Variants in CHCHD3 observed in about 807,000 individuals in gnomAD.
CHCHD3 encodes the protein coiled-coil-helix-coiled-coil-helix domain containing 3.
In CHCHD3, 20 loss-of-function variants were observed where a neutral mutation model predicts 38.2. That is an observed-to-expected ratio of 0.52 (90% CI 0.37 to 0.76). The LOEUF (loss-of-function observed/expected upper bound fraction) is 0.76, where lower values mean the gene tolerates loss of function less well. Ranked by LOEUF, CHCHD3 falls within the 30% of genes least tolerant of loss-of-function variation. The pLI, the probability that CHCHD3 is intolerant of heterozygous loss-of-function variation, is 0.00. For missense variants in CHCHD3, 245 were observed against 279.2 expected, an observed-to-expected ratio of 0.88 and a Z score of 0.87; for synonymous variants, 82 against 100.0, an observed-to-expected ratio of 0.82 and a Z score of 1.07.
chr7:132,866,254 C>G (rs948998199), intron 5 of CHCHD3, among the ~76,000 whole-genome samples: 1 of 152,172 alleles, frequency 6.6e-6, no homozygotes, highest in Non-Finnish European at 1.5e-5. Flanking sequence ...TGTTGTGTGG[C>G]TTAGAGAGTA....
chr7:132,849,863 T>C (rs1320314044), intron 5 of CHCHD3, among the ~76,000 whole-genome samples: 2 of 152,186 alleles, frequency 1.3e-5, no homozygotes, highest in African/African-American at 4.8e-5. Flanking sequence ...AGCAAAAGCC[T>C]GTGTTAGGGT....
intron 3 of CHCHD3, among the ~76,000 whole-genome samples, chr7:133,017,361 T>C (rs1813057832): frequency 6.6e-6 from 1 of 152,218 alleles, no homozygotes; most frequent in Non-Finnish European, 1.5e-5. Flanking sequence ...TTTTTATAAA[T>C]CAGTGATAAT....
chr7:132,973,910 G>A (rs1296863705), intron 4 of CHCHD3: 3 of 1,247,024 alleles, frequency 2.4e-6, no homozygotes, highest in African/African-American at 1.6e-5. Flanking sequence ...GTTCCCAACT[G>A]TGCTCCAATG....
intron 2 of CHCHD3, among the ~76,000 whole-genome samples, chr7:133,037,661 A>C (rs1341348046): frequency 6.6e-6 from 1 of 152,106 alleles, no homozygotes; most frequent in Non-Finnish European, 1.5e-5. Context: ...AAAAGTACAA[A>C]AATTAGCCAG....
chr7:132,808,364 A>G (rs937404012), intron 6 of CHCHD3, among the ~76,000 whole-genome samples: 1 of 152,122 alleles, frequency 6.6e-6, no homozygotes, highest in Non-Finnish European at 1.5e-5. Context: ...GCTCAGATCT[A>G]TGTCCCTACT....
At chr7:132,998,294 A>T (rs1405099317) in intron 3 of CHCHD3, among the ~76,000 whole-genome samples, 1 of 152,228 alleles carries the variant, frequency 6.6e-6, no homozygotes, top group Non-Finnish European at 1.5e-5. Context: ...GTTCCTGAAT[A>T]TAAGTTTTAA....
intron 2 of CHCHD3, among the ~76,000 whole-genome samples, chr7:133,061,552 CAAAGG>C (rs1814515728): frequency 6.6e-6 from 1 of 151,810 alleles, no homozygotes. Flanking sequence ...ACTCAGCTGA[CAAAGG>C]AAAGAAGTCC....
At chr7:132,905,543 C>T (rs1026185040) in intron 4 of CHCHD3, among the ~76,000 whole-genome samples, 5 of 150,632 alleles carry the variant, frequency 3.3e-5, no homozygotes, top group Non-Finnish European at 5.9e-5. Context: ...TGTTTACCTA[C>T]GTAACAAACC....
intron 2 of CHCHD3, among the ~76,000 whole-genome samples, chr7:133,056,809 T>C (rs527724445): frequency 1.3e-5 from 2 of 152,314 alleles, no homozygotes; most frequent in Admixed American, 6.5e-5. Flanking sequence ...TCATTTAGTC[T>C]CCATGGCAAC....
At chr7:132,802,340 C>T (rs994972035) in intron 6 of CHCHD3, among the ~76,000 whole-genome samples, 2 of 152,044 alleles carry the variant, frequency 1.3e-5, no homozygotes, top group African/African-American at 2.4e-5. Flanking sequence ...TGCCTGGTTT[C>T]TTCTCAAGCC....
intron 6 of CHCHD3, among the ~76,000 whole-genome samples, chr7:132,827,812 T>C (rs1040424968): frequency 1.3e-5 from 2 of 152,220 alleles, no homozygotes; most frequent in Non-Finnish European, 2.9e-5. Flanking sequence ...GTGTGTACCA[T>C]GATGTTTGAG....
At chr7:133,074,906 T>C (rs1365542790) in intron 1 of CHCHD3, among the ~76,000 whole-genome samples, 2 of 151,358 alleles carry the variant, frequency 1.3e-5, no homozygotes, top group Non-Finnish European at 2.9e-5. Context: ...GGTAAAGCTA[T>C]TACCCATATA....
At chr7:133,033,846 AT>A (rs567334199) in intron 2 of CHCHD3, among the ~76,000 whole-genome samples, 1 of 150,886 alleles carries the variant, frequency 6.6e-6, no homozygotes, top group African/African-American at 2.4e-5. Flanking sequence ...CACATTGTCT[AT>A]TTTTTTTTCT....
intron 4 of CHCHD3, among the ~76,000 whole-genome samples, chr7:132,967,819 C>A (rs1215525277): frequency 9.0e-6 from 1 of 111,382 alleles, no homozygotes; most frequent in Non-Finnish European, 1.9e-5. Flanking sequence ...ACAAGTAAGA[C>A]CCTGTCTCAA....
At chr7:133,054,630 A>C (rs1435903101) in intron 2 of CHCHD3, among the ~76,000 whole-genome samples, 1 of 152,206 alleles carries the variant, frequency 6.6e-6, no homozygotes, top group Non-Finnish European at 1.5e-5. Flanking sequence ...AATGGTGTTT[A>C]GTATATCCTC....
chr7:132,798,100 C>A (rs1436016785), intron 6 of CHCHD3, among the ~76,000 whole-genome samples: 1 of 152,084 alleles, frequency 6.6e-6, no homozygotes, highest in African/African-American at 2.4e-5. Flanking sequence ...TGATTTGTCT[C>A]ATTATTTTTA....
chr7:132,849,140 G>C (rs1008160490), intron 5 of CHCHD3: 1 of 152,116 alleles, frequency 6.6e-6, no homozygotes, highest in Non-Finnish European at 1.5e-5. Context: ...ACTTGGCATA[G>C]GGCCTGGTTT....
At chr7:132,791,207 G>A (rs1346273323) in intron 7 of CHCHD3, among the ~76,000 whole-genome samples, 1 of 152,220 alleles carries the variant, frequency 6.6e-6, no homozygotes. Flanking sequence ...TTCTGAATCA[G>A]AATCTCCAGG....
At chr7:132,980,841 T>C (rs1421723672) in intron 3 of CHCHD3, among the ~76,000 whole-genome samples, 1 of 152,216 alleles carries the variant, frequency 6.6e-6, no homozygotes, top group Non-Finnish European at 1.5e-5. Context: ...AGTCCCAGGG[T>C]AAAAACTAGC....
Sources: allele counts gnomAD v4.1 joint callset (sites outside exome capture counted in the v4.1 genomes callset), GRCh38; gene constraint gnomAD v4.1.1; transcripts MANE v1.5; gene names NCBI Gene and HGNC (gene_info 2026-07-23, HGNC 2026-07-21).